WDR6: variants seen among roughly 807,000 people sequenced by gnomAD.
WDR6 encodes WD repeat domain 6, also known as tRNA (34-2'-O)-methyltransferase regulator WDR6.
WDR6 carries 58 observed loss-of-function variants against 85.6 expected under a neutral mutation model. The observed-to-expected ratio is 0.68, with a 90% CI of 0.55 to 0.84. The LOEUF (loss-of-function observed/expected upper bound fraction) is 0.84, where lower values mean the gene tolerates loss of function less well. WDR6 is among the 40% of genes least tolerant of loss of function. The pLI, the probability that WDR6 is intolerant of heterozygous loss-of-function variation, is 0.00. For synonymous variants in WDR6, 569 were observed against 582.2 expected (o/e 0.98, Z 0.33); for missense variants, 1,310 against 1,476.4 (o/e 0.89, Z 1.85).
rs1417277536 is a variant in WDR6 at position 49,015,854 on chromosome 3, G to A, written c.*566G>A. ...TAGGAGCTGAAATCCATGCTGAGCTGTACCAGGAACTTGCATATCTAGAGA... is the reference window on the plus strand; with the variant it reads ...TAGGAGCTGAAATCCATGCTGAGCTATACCAGGAACTTGCATATCTAGAGA... On this transcript the variant is annotated 3_prime_UTR_variant, in exon 6 of 6. Transcript: ENST00000608424. The A allele has an allele frequency of 9.9e-6, 16 of 1,614,206 alleles. No individual in the cohort carries two copies. The highest frequency in any genetic ancestry group is 1.3e-5 in the Non-Finnish European group (15 of 1,180,044).
intron 1 of WDR6, chr3:49,011,342 G>C (rs918328416): frequency 1.5e-5 from 14 of 923,184 alleles, no homozygotes; most frequent in Non-Finnish European, 2.0e-5. Context: ...GCTTCCCAAA[G>C]TGCTAGGATT....
At position 49,015,616 on chromosome 3, in the gene WDR6, A is replaced by G. The variant is rs1559901298; in HGVS notation, c.*328A>G. On this transcript the variant is annotated 3_prime_UTR_variant, in exon 6 of 6. Transcript: ENST00000608424. ...AATGTGGCTCAGTGGAGGGAGACCC[A>G]GCATAGCCAGGCCAGTATGGAGCAC... is the stretch of plus-strand genomic sequence containing the variant. 6.2e-7 allele frequency: 1 copy of G among 1,614,036 alleles called. No homozygotes were observed. The highest frequency in any genetic ancestry group is 1.7e-5 in the Admixed American group (1 of 59,984).
chr3:49,011,497 A>G, intron 1 of WDR6, 138 bp from the exon 2 acceptor site: 2 of 1,609,544 alleles, frequency 1.2e-6, no homozygotes, highest in Non-Finnish European at 1.7e-6. Flanking sequence ...AGGATTTTCT[A>G]AGATTCAAGC....
rs368350564 is a variant in WDR6, at chr3:49,012,131, A to G, written c.597A>G (p.Val199=). ...CTGCCTTAGCAGACAACAAACCTGTAGCACCTGACCGACGAATCAGTGGGC... is the reference window on the plus strand; with the variant it reads ...CTGCCTTAGCAGACAACAAACCTGTGGCACCTGACCGACGAATCAGTGGGC... ...PATALADNKP[V]APDRRISGHV... is the part of the protein sequence containing the mutation. The change falls in exon 2 of 6, where the codon GTA becomes GTG. Residue 199 remains valine (V), a synonymous_variant. Transcript: ENST00000608424. The surrounding 1 kb of genome is among the most constrained non-coding windows in gnomAD (Gnocchi z 4.4). 132 of 1,614,062 alleles carry G rather than the reference A, an allele frequency of 8.2e-5. No homozygotes were observed. The highest frequency in any genetic ancestry group is 2.7e-4 in the East Asian group (12 of 44,896).
chr3:49,014,375 C>A lies in WDR6; in HGVS notation c.2667-8C>A, dbSNP rs960685625. On this transcript the variant is annotated splice_region_variant and splice_polypyrimidine_tract_variant and intron_variant, in intron 3 of 5. Coordinates refer to ENST00000608424, the MANE Select transcript of WDR6 (RefSeq NM_018031.6). This position sits in a 1 kb window ranked among gnomAD's most constrained non-coding sequence, Gnocchi z 4.9. Reference sequence around the variant, plus strand: ...GCGTTCTGAGCTGGGCCACCCCCCGCCCCCCAGGCTCTTTCTTTTGCAGGA... The same window carrying A: ...GCGTTCTGAGCTGGGCCACCCCCCGACCCCCAGGCTCTTTCTTTTGCAGGA... 1 of 1,613,840 alleles carries A rather than the reference C, an allele frequency of 6.2e-7. No homozygotes were observed. Among genetic ancestry groups the A allele is most frequent in the African/African-American group, 1.3e-5 (1 of 74,882 alleles).
intron 1 of WDR6, among the ~76,000 whole-genome samples, chr3:49,009,511 T>G (rs965145681): frequency 1.3e-5 from 2 of 151,994 alleles, no homozygotes; most frequent in Non-Finnish European, 1.5e-5. Context: ...AGATAATTCT[T>G]TGTTGGAATG....
chr3:49,013,273 G>T lies in WDR6; in HGVS notation c.1739G>T (p.Gly580Val), dbSNP rs1304901113. 2 of 1,613,974 alleles carry T rather than the reference G, an allele frequency of 1.2e-6. No individual in the cohort carries two copies. The highest frequency in any genetic ancestry group is 1.1e-5 in the South Asian group (1 of 91,090). ...GTGACCTCAGTCACATGCCATGGTG[G>T]CTATGTGTATACCACAGGGCGTGAT... ...QGVTSVTCHG[G>V]YVYTTGRDGA... is the part of the protein sequence containing the mutation. The change falls in exon 2 of 6, where the codon GGC (glycine) becomes GTC (valine). Residue 580 changes from glycine (G) to valine (V), a missense_variant. Coordinates refer to ENST00000608424, the MANE Select transcript of WDR6 (RefSeq NM_018031.6). This position sits in a 1 kb window ranked among gnomAD's most constrained non-coding sequence, Gnocchi z 4.6.
chr3:49,010,676 C>G lies in WDR6; in HGVS notation c.101-959C>G, dbSNP rs1263243572. ...TCATCCTGGCTAACACGGTGAAACCCTGTCTCTATTAAAAATACAAAAAAT... is the reference window on the plus strand; with the variant it reads ...TCATCCTGGCTAACACGGTGAAACCGTGTCTCTATTAAAAATACAAAAAAT... On this transcript the variant is annotated intron_variant, in intron 1 of 5. Transcript: ENST00000608424. Among the ~76,000 whole-genome samples, 3 of 151,868 alleles carry G rather than the reference C, an allele frequency of 2.0e-5. No homozygotes were observed. In the East Asian group the frequency reaches 5.8e-4, roughly 30 times the overall value.
chr3:49,014,525 G>A lies in WDR6; in HGVS notation c.2783+26G>A. ...GTGAGAGGGGCTGGATGATGGTCCT[G>A]CATGGGCTGGGTTGGGGGGTTCCTG... is the stretch of plus-strand genomic sequence containing the variant. On this transcript the variant is annotated intron_variant, in intron 4 of 5. Coordinates refer to ENST00000608424, the MANE Select transcript of WDR6 (RefSeq NM_018031.6). The surrounding 1 kb of genome is among the most constrained non-coding windows in gnomAD (Gnocchi z 4.9). The A allele has an allele frequency of 6.2e-7, 1 of 1,613,832 alleles. No individual in the cohort carries two copies. The highest frequency in any genetic ancestry group is 8.5e-7 in the Non-Finnish European group (1 of 1,179,886).
rs149844328 is a variant in WDR6 at position 49,012,975 on chromosome 3, C to T, written c.1441C>T (p.Arg481Cys). 8.7e-6 allele frequency: 14 copies of T among 1,613,870 alleles called. No individual in the cohort carries two copies. Among genetic ancestry groups the T allele is most frequent in the East Asian group, 2.2e-5 (1 of 44,854 alleles). ...PSGKAIFVKE[R>C]CRYLLPPSKQ... ...TGGCAAGGCCATCTTTGTCAAGGAA[C>T]GTTGTCGGTACCTGCTGCCCCCAAG... The change falls in exon 2 of 6, where the codon CGT becomes TGT. Residue 481 changes from arginine (R) to cysteine (C), a missense_variant. Arg to Cys is a radical substitution (Grantham distance 180). Coordinates refer to ENST00000608424, the MANE Select transcript of WDR6 (RefSeq NM_018031.6). This position sits in a 1 kb window ranked among gnomAD's most constrained non-coding sequence, Gnocchi z 4.4.
chr3:49,008,744 G>A (rs1030071081), intron 1 of WDR6, among the ~76,000 whole-genome samples: 2 of 152,200 alleles, frequency 1.3e-5, no homozygotes, highest in African/African-American at 4.8e-5. Context: ...GCAGTGGGGA[G>A]AACCTATTGA....
Position 49,015,553 on chromosome 3 carries a change from T to C in WDR6, c.*265T>C, listed in dbSNP as rs1434995244. 1 of 1,609,206 alleles carries C rather than the reference T, an allele frequency of 6.2e-7. No homozygotes were observed. Among genetic ancestry groups the C allele is most frequent in the Non-Finnish European group, 8.5e-7 (1 of 1,178,170 alleles). On this transcript the variant is annotated 3_prime_UTR_variant, in exon 6 of 6. Transcript: ENST00000608424. ...TTGCTTTTTTTCCAGTTGATGACTT[T>C]GTGAACATTCCCAGGTATTGGAGCC...
In WDR6 at chr3:49,013,124, G is replaced by A; in HGVS notation, c.1590G>A (p.Val530=). The change falls in exon 2 of 6, where the codon GTG becomes GTA. Residue 530 remains valine, a synonymous_variant. Coordinates refer to ENST00000608424, the MANE Select transcript of WDR6 (RefSeq NM_018031.6). This position sits in a 1 kb window ranked among gnomAD's most constrained non-coding sequence, Gnocchi z 4.6. ...SRPGLLKDPG[V]GGKARAGAGA... The stretch of plus-strand genomic sequence containing the variant: ...CAGGTCTGCTCAAGGACCCTGGGGT[G>A]GGAGGCAAGGCTCGGGCTGGTGCTG... 1.2e-6 allele frequency: 2 copies of A among 1,607,948 alleles called. No individual in the cohort carries two copies. The highest frequency in any genetic ancestry group is 8.5e-7 in the Non-Finnish European group (1 of 1,175,902).
In WDR6 at chr3:49,014,707, G is replaced by A; in HGVS notation, c.2891G>A (p.Gly964Glu). The change falls in exon 5 of 6, where the codon GGG (glycine) becomes GAG (glutamate). Residue 964 changes from glycine to glutamate, a missense_variant. By Grantham distance (98) the Gly-to-Glu change is moderately conservative. Transcript: ENST00000608424. This position sits in a 1 kb window ranked among gnomAD's most constrained non-coding sequence, Gnocchi z 4.9. ...STVLEPPVDP[G>E]LPYRLGTPSL... Reference sequence around the variant, plus strand: ...GTCCTGGAGCCTCCAGTGGATCCTGGGCTTCCCTACCGTGAGTAGCTAATG... The same window carrying A: ...GTCCTGGAGCCTCCAGTGGATCCTGAGCTTCCCTACCGTGAGTAGCTAATG... 1 of 1,613,084 alleles carries A rather than the reference G, an allele frequency of 6.2e-7. No homozygotes were observed. Among genetic ancestry groups the A allele is most frequent in the Non-Finnish European group, 8.5e-7 (1 of 1,179,858 alleles).
chr3:49,012,758 T>G lies in WDR6; in HGVS notation c.1224T>G (p.Cys408Trp). The G allele has an allele frequency of 6.2e-7, 1 of 1,613,996 alleles. No homozygotes were observed. The highest frequency in any genetic ancestry group is 8.5e-7 in the Non-Finnish European group (1 of 1,179,990). Residue 408 changes from cysteine to tryptophan, a missense_variant, in exon 2 of 6, where the codon TGT becomes TGG. Physicochemically the swap from Cys to Trp is radical, Grantham distance 215. Transcript: ENST00000608424. This position sits in a 1 kb window ranked among gnomAD's most constrained non-coding sequence, Gnocchi z 4.4. ...AAPGPEGFGL[C>W]AMANGEGRVK... ...CTGGTCCCGAGGGCTTCGGATTGTG[T>G]GCTATGGCCAATGGGGAAGGTCGTG...
chr3:49,009,311 A>ACCCCCCCCCCCCCCCCCCCCCCCCCCC (rs544775849), intron 1 of WDR6, among the ~76,000 whole-genome samples: 1 of 62,722 alleles, frequency 1.6e-5, no homozygotes, highest in Non-Finnish European at 3.0e-5. Context: ...ATTGCTCCCC[A>ACCCCCCCCCCCCCCCCCCCCCCCCCCC]CCCCCCCCCC....
Position 49,012,163 on chromosome 3 carries a change from GCAT to G in WDR6, c.634_636del (p.Ile212del), listed in dbSNP as rs768492062. ...GACCGACGAATCAGTGGGCATGTGGGCATCATCTTCAGCATGTCATACCTGGAA... is the reference window on the plus strand; with the variant it reads ...GACCGACGAATCAGTGGGCATGTGGGCATCTTCAGCATGTCATACCTGGAA... On this transcript the variant is annotated inframe_deletion, in exon 2 of 6. Transcript: ENST00000608424. This position sits in a 1 kb window ranked among gnomAD's most constrained non-coding sequence, Gnocchi z 4.4. 2.5e-6 allele frequency: 4 copies of G among 1,614,104 alleles called. No individual in the cohort carries two copies. Among genetic ancestry groups the G allele is most frequent in the Non-Finnish European group, 3.4e-6 (4 of 1,180,054 alleles).
In WDR6 at chr3:49,014,535, G is replaced by T; in HGVS notation, c.2783+36G>T. The T allele has an allele frequency of 6.2e-7, 1 of 1,613,744 alleles. No individual in the cohort carries two copies. The highest frequency in any genetic ancestry group is 8.5e-7 in the Non-Finnish European group (1 of 1,179,866). ...CTGGATGATGGTCCTGCATGGGCTG[G>T]GTTGGGGGGTTCCTGTTGAGCTTCA... On this transcript the variant is annotated intron_variant, in intron 4 of 5. Transcript: ENST00000608424. The surrounding 1 kb of genome is among the most constrained non-coding windows in gnomAD (Gnocchi z 4.9).
rs2093026296 is a variant in WDR6, at chr3:49,012,996, CCAAG to C, written c.1469_1472del (p.Lys490ArgfsTer52). On this transcript the variant is annotated frameshift_variant, in exon 2 of 6. Transcript: ENST00000608424. LOFTEE classifies it high-confidence loss of function. The surrounding 1 kb of genome is among the most constrained non-coding windows in gnomAD (Gnocchi z 4.4). ...GGAACGTTGTCGGTACCTGCTGCCC[CCAAG>C]CAAGCAGAGATGGCACACATGCAGT... 2.5e-6 allele frequency: 4 copies of C among 1,613,836 alleles called. No individual in the cohort carries two copies. In the East Asian group the frequency reaches 8.9e-5, roughly 36 times the overall value.
Sources: gnomAD v4.1 joint callset for allele counts (sites outside exome capture counted in the v4.1 genomes callset) on GRCh38, gnomAD v4.1.1 for gene constraint, Gnocchi (gnomAD v3.1) non-coding constraint, MANE v1.5 for transcripts, NCBI Gene and HGNC (gene_info 2026-07-23, HGNC 2026-07-21) for gene names.